Variants in DAPP1 observed in about 807,000 individuals in gnomAD.
The protein encoded by DAPP1 is dual adapter for phosphotyrosine and 3-phosphotyrosine and 3-phosphoinositide.
In DAPP1, 20 loss-of-function variants were observed where a neutral mutation model predicts 41.5. That is an observed-to-expected ratio of 0.48 (90% CI 0.34 to 0.70). The LOEUF is 0.70. Ranked by LOEUF, DAPP1 falls within the 30% of genes least tolerant of loss-of-function variation. DAPP1 has a pLI of 0.01. For synonymous variants in DAPP1, 113 were observed against 116.2 expected (o/e 0.97, Z 0.18); for missense variants, 233 against 333.4 (o/e 0.70, Z 2.35).
Position 99,830,033 on chromosome 4 carries a change from C to G in DAPP1, c.102-5590C>G, listed in dbSNP as rs555431108. Among the ~76,000 whole-genome samples, 14 of 152,210 alleles carry G rather than the reference C, an allele frequency of 9.2e-5. No homozygotes were observed. The South Asian group carries it at 2.9e-3, about 32-fold the overall frequency. On this transcript the variant is annotated intron_variant, in intron 1 of 8. Transcript: ENST00000512369. ...CCTCCAGATTTTATAAGCTTCAAGA[C>G]CATTGAAATCTGCCTCTTATCCCTA...
intron 3 of DAPP1, among the ~76,000 whole-genome samples, chr4:99,852,530 T>G (rs959751849): frequency 6.6e-6 from 1 of 152,158 alleles, no homozygotes; most frequent in African/African-American, 2.4e-5. Context: ...TTTTTCTGCC[T>G]GGAGGCTCCC....
At chr4:99,846,293 A>G (rs1723661797) in intron 3 of DAPP1, among the ~76,000 whole-genome samples, 1 of 152,178 alleles carries the variant, frequency 6.6e-6, no homozygotes, top group African/African-American at 2.4e-5. Flanking sequence ...GAGAATAATT[A>G]TGGTATAATG....
At chr4:99,820,558 T>C in intron 1 of DAPP1, among the ~76,000 whole-genome samples, 1 of 152,248 alleles carries the variant, frequency 6.6e-6, no homozygotes, top group East Asian at 1.9e-4. Context: ...AGTGCCAGTG[T>C]TTGGCTGGAT....
intron 1 of DAPP1, among the ~76,000 whole-genome samples, chr4:99,826,264 A>G (rs771358176): frequency 2.0e-5 from 3 of 152,194 alleles, no homozygotes; most frequent in Non-Finnish European, 4.4e-5. Flanking sequence ...TTTGGTCTAG[A>G]TAGTTCAGAG....
chr4:99,835,787 C>G, intron 2 of DAPP1, 42 bp downstream of exon 2: 1 of 1,598,554 alleles, frequency 6.3e-7, no homozygotes, highest in East Asian at 2.2e-5. Flanking sequence ...ATGGGCTCCT[C>G]TGTCACTTAC....
intron 3 of DAPP1, among the ~76,000 whole-genome samples, chr4:99,847,870 G>A (rs1457793013): frequency 2.0e-5 from 3 of 152,148 alleles, no homozygotes; most frequent in Admixed American, 6.5e-5. Flanking sequence ...CTGGAGTACA[G>A]TGGCGCCATC....
At chr4:99,835,424 C>T (rs757329916) in intron 1 of DAPP1, among the ~76,000 whole-genome samples, 199 bp from the exon 2 acceptor site, 4 of 152,184 alleles carry the variant, frequency 2.6e-5, no homozygotes, top group East Asian at 1.9e-4. Flanking sequence ...ACCCATGTCA[C>T]GCTACTATTA....
chr4:99,836,755 A>G (rs1169163399), intron 2 of DAPP1, among the ~76,000 whole-genome samples: 1 of 152,214 alleles, frequency 6.6e-6, no homozygotes, highest in African/African-American at 2.4e-5. Context: ...TCTATGCTAC[A>G]TAACAAATTA....
At chr4:99,861,920 A>C (rs1560708578) in intron 5 of DAPP1, among the ~76,000 whole-genome samples, 1 of 152,212 alleles carries the variant, frequency 6.6e-6, no homozygotes, top group South Asian at 2.1e-4. Flanking sequence ...AGTTTACTCT[A>C]GAACATCTTT....
intron 1 of DAPP1, among the ~76,000 whole-genome samples, chr4:99,829,551 G>T (rs1723051219): frequency 6.6e-6 from 1 of 152,268 alleles, no homozygotes; most frequent in African/African-American, 2.4e-5. Context: ...AACTGAGGTT[G>T]CTACTTGCCA....
intron 7 of DAPP1, chr4:99,865,314 T>G (rs1210296237): frequency 6.6e-6 from 1 of 152,232 alleles, no homozygotes; most frequent in Non-Finnish European, 1.5e-5. Context: ...AATTTAGGGC[T>G]GACCTTATTG....
intron 3 of DAPP1, among the ~76,000 whole-genome samples, chr4:99,848,751 T>C (rs1031344007): frequency 3.3e-5 from 5 of 152,134 alleles, no homozygotes; most frequent in African/African-American, 9.7e-5. Context: ...CAGGAAACAA[T>C]AGTCTACTTC....
intron 4 of DAPP1, among the ~76,000 whole-genome samples, chr4:99,859,880 G>A (rs368152236): frequency 9.2e-5 from 14 of 152,258 alleles, no homozygotes; most frequent in African/African-American, 3.1e-4. Context: ...GTCACTGCCA[G>A]TGTCCACACA....
chr4:99,872,187 A>T (rs1724644034), downstream of DAPP1, among the ~76,000 whole-genome samples: 1 of 152,268 alleles, frequency 6.6e-6, no homozygotes, highest in Admixed American at 6.5e-5. Context: ...AAGTTAGACC[A>T]GCAGGTCCCT....
Position 99,868,323 on chromosome 4 carries a change from G to C in DAPP1, c.*138G>C. On this transcript the variant is annotated 3_prime_UTR_variant, in exon 9 of 9. Transcript: ENST00000512369. ...CAAATCAGAAGCAGATGCTGATTGGGACCCATATACCACGTTGCTGACTCA... is the reference window on the plus strand; with the variant it reads ...CAAATCAGAAGCAGATGCTGATTGGCACCCATATACCACGTTGCTGACTCA... The C allele has an allele frequency of 1.3e-6, 1 of 757,250 alleles. No homozygotes were observed. The highest frequency in any genetic ancestry group is 2.2e-6 in the Non-Finnish European group (1 of 449,634). The allele number at this position is 757,250 out of a possible 1,614,324, so 46.9% of individuals were successfully genotyped here.
chr4:99,866,744 C>G, intron 8 of DAPP1: 1 of 507,180 alleles, frequency 2.0e-6, no homozygotes. Context: ...ATCTTAAAAA[C>G]TTTGATGATT....
chr4:99,836,666 C>T (rs1202326715), intron 2 of DAPP1, among the ~76,000 whole-genome samples: 4 of 152,220 alleles, frequency 2.6e-5, no homozygotes, highest in Non-Finnish European at 4.4e-5. Flanking sequence ...CCAGTCTACA[C>T]GGTCACTACT....
rs558467147 is a variant in DAPP1, at chr4:99,833,082, A to G, written c.102-2541A>G. Among the ~76,000 whole-genome samples the G allele has an allele frequency of 2.0e-5, 3 of 152,372 alleles. No individual in the cohort carries two copies. In the South Asian group the frequency reaches 6.2e-4, roughly 32 times the overall value. On this transcript the variant is annotated intron_variant, in intron 1 of 8. Transcript: ENST00000512369. ...TGCTGAAATGTTTATTATAAAGTTA[A>G]TTATTGGCAAAATATATCTAAGTTT... is the stretch of plus-strand genomic sequence containing the variant.
chr4:99,827,218 G>C (rs947880850), intron 1 of DAPP1, among the ~76,000 whole-genome samples: 4 of 152,078 alleles, frequency 2.6e-5, no homozygotes, highest in African/African-American at 9.7e-5. Context: ...CTTCCCAGTA[G>C]TAAAAAGTTT....
Sources: allele counts gnomAD v4.1 joint callset (sites outside exome capture counted in the v4.1 genomes callset), GRCh38; gene constraint gnomAD v4.1.1; transcripts MANE v1.5; gene names NCBI Gene and HGNC (gene_info 2026-07-23, HGNC 2026-07-21).